The following DNAH7 variants were observed in gnomAD, a reference collection of about 807,000 sequenced individuals.
DNAH7 encodes the protein axonemal beta dynein heavy chain 7.
Under a neutral mutation model 444.6 loss-of-function variants are expected in DNAH7, and 397 were observed. The ratio of observed to expected loss-of-function variants is 0.89; its 90% CI spans 0.82 to 0.97. The LOEUF (loss-of-function observed/expected upper bound fraction) is 0.97. Ranked by LOEUF, DNAH7 falls within the 50% of genes least tolerant of loss-of-function variation. DNAH7 has a pLI of 0.00. For synonymous variants in DNAH7, 1,636 were observed against 1,624.4 expected, an observed-to-expected ratio of 1.01 and a Z score of -0.17; for missense variants, 4,902 against 4,800.8, an observed-to-expected ratio of 1.02 and a Z score of -0.62.
At chr2:195,931,237 G>C (rs1688674086) in intron 21 of DNAH7, among the ~76,000 whole-genome samples, 1 of 152,140 alleles carries the variant, frequency 6.6e-6, no homozygotes, top group Admixed American at 6.6e-5. Flanking sequence ...TTTGAGAAGT[G>C]TCTGTTCATA....
At chr2:195,873,119 G>A (rs1309541423) in intron 39 of DNAH7, among the ~76,000 whole-genome samples, 4 of 152,172 alleles carry the variant, frequency 2.6e-5, no homozygotes, top group Non-Finnish European at 5.9e-5. Context: ...ATGGGCATGG[G>A]CACACAGACA....
chr2:195,874,051 ATAT>A lies in DNAH7; in HGVS notation c.6287-360_6287-358del, dbSNP rs142331054. Among the ~76,000 whole-genome samples the A allele has an allele frequency of 0.019, 2,929 of 152,300 alleles. 233 individuals carry two copies. In the East Asian group the frequency reaches 0.26, roughly 14 times the overall value. ...ATCCTCAATACAATATTAAAATGTA[ATAT>A]TATACAATATTAACGTAACTCTGGT... On this transcript the variant is annotated intron_variant, in intron 38 of 64. Coordinates refer to ENST00000312428, the MANE Select transcript of DNAH7 (RefSeq NM_018897.3).
chr2:196,015,526 C>T (rs538792792), intron 9 of DNAH7, among the ~76,000 whole-genome samples: 5 of 152,148 alleles, frequency 3.3e-5, no homozygotes, highest in South Asian at 2.1e-4. Context: ...TCTTCATATA[C>T]GCATTATTTT....
At chr2:195,847,130 A>C (rs923001643) in intron 46 of DNAH7, among the ~76,000 whole-genome samples, 1 of 143,126 alleles carries the variant, frequency 7.0e-6, no homozygotes, top group Non-Finnish European at 1.5e-5. Context: ...ATATATATAT[A>C]TCTTATATAT....
intron 19 of DNAH7, among the ~76,000 whole-genome samples, chr2:195,944,672 T>C (rs1689681886): frequency 6.6e-6 from 1 of 152,162 alleles, no homozygotes; most frequent in Admixed American, 6.6e-5. Context: ...TGAATTAAAT[T>C]ACATTGAAAT....
intron 16 of DNAH7, among the ~76,000 whole-genome samples, 159 bp downstream of exon 16, chr2:195,972,083 T>C (rs1048075250): frequency 6.6e-6 from 1 of 152,170 alleles, no homozygotes; most frequent in African/African-American, 2.4e-5. Flanking sequence ...AGATCCAATA[T>C]ATTACTGTCT....
Position 195,888,851 on chromosome 2 carries a change from T to G in DNAH7, c.5177A>C (p.Gln1726Pro). Residue 1726 changes from glutamine (Q) to proline (P), a missense_variant, in exon 32 of 65, where the codon CAA (glutamine) becomes CCA (proline). Physicochemically the swap from Gln to Pro is moderately conservative, Grantham distance 76 (BLOSUM62 -1). Transcript: ENST00000312428. Reference protein sequence around the residue: ...MSGEIIQMSPQMNLIFEPMDL... With the variant: ...MSGEIIQMSPPMNLIFEPMDL... ...CATTGGCTCAAAAATTAGATTCATT[T>G]GTGGTGACATCTGAATAATCTCCCC... 1 of 1,613,890 alleles carries G rather than the reference T, an allele frequency of 6.2e-7. No homozygotes were observed. The highest frequency in any genetic ancestry group is 1.3e-5 in the African/African-American group (1 of 75,062).
At chr2:195,835,572 G>A (rs2124964899) in intron 47 of DNAH7, among the ~76,000 whole-genome samples, 1 of 152,238 alleles carries the variant, frequency 6.6e-6, no homozygotes, top group South Asian at 2.1e-4. Context: ...TAGGCCGGGT[G>A]CGGTAGCTCA....
chr2:196,020,397 T>C (rs1234265636), intron 8 of DNAH7, among the ~76,000 whole-genome samples: 2 of 152,146 alleles, frequency 1.3e-5, no homozygotes, highest in Non-Finnish European at 2.9e-5. Context: ...AAATGTGCCA[T>C]CTTCATCTTT....
chr2:196,013,219 G>A (rs371126775), intron 9 of DNAH7, among the ~76,000 whole-genome samples: 4 of 152,158 alleles, frequency 2.6e-5, no homozygotes, highest in East Asian at 3.8e-4. Flanking sequence ...GGAAAAGAGG[G>A]AGGGCTCAAT....
intron 48 of DNAH7, among the ~76,000 whole-genome samples, chr2:195,831,050 G>A (rs1289306620): frequency 1.3e-5 from 2 of 152,162 alleles, no homozygotes; most frequent in African/African-American, 4.8e-5. Context: ...TAAAGTGCTG[G>A]GAGATGAGAA....
rs1435658815 is a variant in DNAH7 at position 195,934,653 on chromosome 2, T to C, written c.3409A>G (p.Arg1137Gly). The part of the protein sequence containing the change: ...LIEIISTAKA[R>G]GQVEKWLVEL... The stretch of plus-strand genomic sequence containing the variant: ...ACCAACCACTTCTCCACTTGACCTC[T>C]GGCTTTGGCTGTTGAAATAATCTCT... The change falls in exon 21 of 65, where the codon AGA (arginine) becomes GGA (glycine). Residue 1137 changes from arginine to glycine, a missense_variant. By Grantham distance (125) the Arg-to-Gly change is moderately radical. Transcript: ENST00000312428. 1 of 1,614,028 alleles carries C rather than the reference T, an allele frequency of 6.2e-7. No homozygotes were observed. Among genetic ancestry groups the C allele is most frequent in the African/African-American group, 1.3e-5 (1 of 74,940 alleles).
chr2:195,824,420 T>C lies in DNAH7; in HGVS notation c.9126A>G (p.Glu3042=), dbSNP rs768853447. 5 of 1,605,838 alleles carry C rather than the reference T, an allele frequency of 3.1e-6. No homozygotes were observed. Among genetic ancestry groups the C allele is most frequent in the East Asian group, 2.2e-5 (1 of 44,694 alleles). ...TPVLLENVGE[E]LDPILEPLLL... ...GAAGAGGTTCCAAAATAGGATCTAG[T>C]TCTTCGCCAACATTTTCTAGCAACA... The change falls in exon 49 of 65, where the codon GAA becomes GAG. Residue 3042 remains glutamate (E), a synonymous_variant. Coordinates refer to ENST00000312428, the MANE Select transcript of DNAH7 (RefSeq NM_018897.3).
intron 54 of DNAH7, among the ~76,000 whole-genome samples, chr2:195,805,020 CA>C (rs1007226164): frequency 1.3e-5 from 2 of 151,944 alleles, no homozygotes; most frequent in Non-Finnish European, 2.9e-5. Context: ...TGTCCCCCAC[CA>C]AAAAAACCCC....
intron 1 of DNAH7, chr2:196,063,922 G>C (rs1698273547): frequency 6.6e-6 from 1 of 152,214 alleles, no homozygotes; most frequent in South Asian, 2.1e-4. Context: ...ACTCCACCCT[G>C]CCCCTGACAT....
At position 195,737,724 on chromosome 2, in the gene DNAH7, C is replaced by CTTTCTTTA. The variant is rs10642584; in HGVS notation, c.*196_*197insTAAAGAAA. On this transcript the variant is annotated 3_prime_UTR_variant, in exon 65 of 65. Transcript: ENST00000312428. ...AATATGCCAGTGTGTTTTCTTTAGT[C>CTTTCTTTA]TTTATTTCAGAACATTTCCTTACAT... 15 of 515,958 alleles carry CTTTCTTTA rather than the reference C, an allele frequency of 2.9e-5. 1 individual carries two copies. The highest frequency in any genetic ancestry group is 1.3e-4 in the East Asian group (4 of 31,286). 32.0% of individuals were successfully genotyped at this position (515,958 alleles called of 1,614,324 possible). A position where few individuals can be genotyped will look rare whatever the true frequency, so the allele number is the denominator to read the frequency against.
Position 195,737,756 on chromosome 2 carries a change from A to G in DNAH7, c.*165T>C. The G allele has an allele frequency of 5.0e-6, 3 of 602,646 alleles. No homozygotes were observed. The highest frequency in any genetic ancestry group is 5.8e-6 in the Non-Finnish European group (2 of 346,102). The allele number at this position is 602,646 out of a possible 1,614,324, so 37.3% of individuals were successfully genotyped here. A position where few individuals can be genotyped will look rare whatever the true frequency, so the allele number is the denominator to read the frequency against. ...TCAGAACATTTCCTTACATTTAAGT[A>G]TGAGTCATATTAAGTTTAGCTGCAT... is the stretch of plus-strand genomic sequence containing the variant. On this transcript the variant is annotated 3_prime_UTR_variant, in exon 65 of 65. Coordinates refer to ENST00000312428, the MANE Select transcript of DNAH7 (RefSeq NM_018897.3).
At chr2:195,856,118 G>A (rs966359475) in intron 44 of DNAH7, 127 bp from the exon 45 acceptor site, 13 of 806,172 alleles carry the variant, frequency 1.6e-5, no homozygotes, top group African/African-American at 3.5e-5. Context: ...AATCTAAACC[G>A]ATTTCCATAT....
chr2:195,857,081 A>G (rs1699757685), intron 44 of DNAH7, among the ~76,000 whole-genome samples: 1 of 152,182 alleles, frequency 6.6e-6, no homozygotes, highest in Non-Finnish European at 1.5e-5. Flanking sequence ...ATTAATAAAC[A>G]TTTTTAAAAT....
Sources: gnomAD v4.1 joint callset for allele counts (sites outside exome capture counted in the v4.1 genomes callset) on GRCh38, gnomAD v4.1.1 for gene constraint, MANE v1.5 for transcripts, NCBI Gene and HGNC (gene_info 2026-07-23, HGNC 2026-07-21) for gene names.